The following ARHGEF7 variants were observed in gnomAD, a reference collection of about 807,000 sequenced individuals.
ARHGEF7 encodes the protein Rho guanine nucleotide exchange factor 7.
ARHGEF7 carries 33 observed loss-of-function variants against 109.8 expected under a neutral mutation model. The ratio of observed to expected loss-of-function variants is 0.30; its 90% confidence interval spans 0.23 to 0.40. ARHGEF7 has a LOEUF of 0.40. Among genes scored for constraint, ARHGEF7 ranks in the 10% least tolerant of loss-of-function variants. The pLI, the probability that ARHGEF7 is intolerant of heterozygous loss-of-function variation, is 1.00. For synonymous variants in ARHGEF7, 458 were observed against 424.6 expected (o/e 1.08, Z -0.97); for missense variants, 938 against 1,098.5 (o/e 0.85, Z 2.07).
chr13:111,115,414 C>T lies in ARHGEF7; in HGVS notation c.-113C>T. 1 of 809,674 alleles carries T rather than the reference C, an allele frequency of 1.2e-6. No individual in the cohort carries two copies. The highest frequency in any genetic ancestry group is 1.5e-6 in the Non-Finnish European group (1 of 672,488). 50.2% of individuals were successfully genotyped at this position (809,674 alleles called of 1,614,324 possible). A position where few individuals can be genotyped will look rare whatever the true frequency, so the allele number is the denominator to read the frequency against. On this transcript the variant is annotated 5_prime_UTR_variant, in exon 1 of 22. Coordinates refer to ENST00000646102, the MANE Select transcript of ARHGEF7 (RefSeq NM_001354046.2). ...TGGGCCGCGCCGAGCCAATCGCCGG[C>T]GCCGGCCGCTCGATGGGCGAGGCGG...
rs990736035 is a variant in ARHGEF7, at chr13:111,203,013, G to A, written c.253-2276G>A. On this transcript the variant is annotated intron_variant, in intron 2 of 21. Coordinates refer to ENST00000646102, the MANE Select transcript of ARHGEF7 (RefSeq NM_001354046.2). ...TTTCAGCCAATCAGATGCTTCCTGG[G>A]TATCCAAGTAAGAAAGATATATAGT... 5.8e-6 allele frequency: 7 copies of A among 1,201,852 alleles called. No individual in the cohort carries two copies. The African/African-American group carries it at 1.1e-4, about 19-fold the overall frequency. The allele number at this position is 1,201,852 out of a possible 1,614,324, so 74.4% of individuals were successfully genotyped here.
intron 19 of ARHGEF7, chr13:111,292,864 A>G (rs1229492633): frequency 1.0e-6 from 1 of 990,544 alleles, no homozygotes; most frequent in African/African-American, 1.7e-5. Context: ...GTAATCGTGC[A>G]GAACAGCATG....
intron 2 of ARHGEF7, among the ~76,000 whole-genome samples, chr13:111,166,403 G>A (rs1051039973): frequency 2.0e-5 from 3 of 152,168 alleles, no homozygotes; most frequent in Admixed American, 1.3e-4. Context: ...GGGATGTGAT[G>A]TAAGTTTTAA....
At position 111,215,371 on chromosome 13, in the gene ARHGEF7, C is replaced by CT. The variant is rs5806891; in HGVS notation, c.469-2299dup. 2.3e-3 allele frequency among the ~76,000 whole-genome samples: 351 copies of CT among 151,038 alleles called. 1 individual carries two copies. Among genetic ancestry groups the CT allele is most frequent in the Middle Eastern group, 6.8e-3 (2 of 294 alleles). ...CCTGTGTGTCTCTAAATAAAGTGCC[C>CT]TTTTTTTTTGTTTTTCCTTAATTTG... On this transcript the variant is annotated intron_variant, in intron 4 of 21. Coordinates refer to ENST00000646102, the MANE Select transcript of ARHGEF7 (RefSeq NM_001354046.2).
At chr13:111,293,871 G>A (rs1420203449) in intron 19 of ARHGEF7, 67 of 985,218 alleles carry the variant, frequency 6.8e-5, no homozygotes, top group Non-Finnish European at 7.6e-5. Context: ...CTGGGAGCCG[G>A]GTCCTGCTGC....
intron 2 of ARHGEF7, among the ~76,000 whole-genome samples, chr13:111,170,594 A>T (rs2153413026): frequency 6.6e-6 from 1 of 152,202 alleles, no homozygotes; most frequent in East Asian, 1.9e-4. Context: ...GCCTTTACTG[A>T]ATGCAGTGCT....
At chr13:111,248,761 T>A (rs905445800) in intron 8 of ARHGEF7, among the ~76,000 whole-genome samples, 1 of 152,266 alleles carries the variant, frequency 6.6e-6, no homozygotes, top group Non-Finnish European at 1.5e-5. Flanking sequence ...AATATTTTTC[T>A]TTATATCCTT....
chr13:111,203,070 C>T (rs1474790814), intron 2 of ARHGEF7: 4 of 1,276,912 alleles, frequency 3.1e-6, no homozygotes, highest in African/African-American at 1.5e-5. Context: ...ACATTTTTCA[C>T]ATCCTGTTAT....
intron 13 of ARHGEF7, among the ~76,000 whole-genome samples, chr13:111,278,086 A>T (rs1172358225): frequency 2.0e-5 from 3 of 152,228 alleles, no homozygotes; most frequent in Non-Finnish European, 4.4e-5. Flanking sequence ...GCCCAAATGC[A>T]TCAGCAAACA....
At chr13:111,118,592 G>C (rs576029055) in intron 1 of ARHGEF7, among the ~76,000 whole-genome samples, 1 of 152,270 alleles carries the variant, frequency 6.6e-6, no homozygotes, top group African/African-American at 2.4e-5. Flanking sequence ...CTCCTCCCGT[G>C]AGCAGAGGTC....
At chr13:111,190,217 G>T (rs1293821364) in intron 2 of ARHGEF7, among the ~76,000 whole-genome samples, 1 of 152,190 alleles carries the variant, frequency 6.6e-6, no homozygotes, top group African/African-American at 2.4e-5. Context: ...TAAAAATACA[G>T]GGCCCGAAGG....
chr13:111,181,497 C>T (rs2078726855), intron 2 of ARHGEF7, among the ~76,000 whole-genome samples: 1 of 152,008 alleles, frequency 6.6e-6, no homozygotes, highest in Non-Finnish European at 1.5e-5. Flanking sequence ...TTGGATAGAT[C>T]ATGTTTTTTT....
At chr13:111,290,588 T>C (rs1375267225) in intron 18 of ARHGEF7, among the ~76,000 whole-genome samples, 2 of 152,252 alleles carry the variant, frequency 1.3e-5, no homozygotes, top group Non-Finnish European at 1.5e-5. Context: ...CATTTCTTCA[T>C]GACCAGGGTC....
chr13:111,257,733 G>A (rs1555389272), intron 8 of ARHGEF7, among the ~76,000 whole-genome samples: 1 of 152,228 alleles, frequency 6.6e-6, no homozygotes, highest in Non-Finnish European at 1.5e-5. Context: ...CTCAACTTCG[G>A]CAGCAGCCAC....
At chr13:111,187,625 C>T (rs1030764998) in intron 2 of ARHGEF7, among the ~76,000 whole-genome samples, 1 of 152,166 alleles carries the variant, frequency 6.6e-6, no homozygotes, top group Non-Finnish European at 1.5e-5. Context: ...ACATATCACA[C>T]GATCTATTTT....
At chr13:111,157,374 A>G (rs2076418825) in intron 2 of ARHGEF7, among the ~76,000 whole-genome samples, 1 of 151,762 alleles carries the variant, frequency 6.6e-6, no homozygotes, top group African/African-American at 2.4e-5. Flanking sequence ...AATAATAATT[A>G]TTAATAAGAA....
At chr13:111,278,399 C>T (rs2092607740) in intron 13 of ARHGEF7, among the ~76,000 whole-genome samples, 2 of 152,170 alleles carry the variant, frequency 1.3e-5, no homozygotes, top group South Asian at 4.1e-4. Context: ...ACCACTGCAG[C>T]AGAAGCCGCC....
Position 111,125,199 on chromosome 13 carries a change from A to C in ARHGEF7, c.165+9508A>C, listed in dbSNP as rs554797089. 6.6e-5 allele frequency among the ~76,000 whole-genome samples: 10 copies of C among 152,282 alleles called. No homozygotes were observed. In the East Asian group the frequency reaches 1.5e-3, roughly 24 times the overall value. The stretch of plus-strand genomic sequence containing the variant: ...GGACCTGGAATCTTTCCATGATGAG[A>C]AAAAGAGAGAGAGTGAGAATATATG... On this transcript the variant is annotated intron_variant, in intron 1 of 21. Coordinates refer to ENST00000646102, the MANE Select transcript of ARHGEF7 (RefSeq NM_001354046.2).
chr13:111,114,891 C>G (rs938674818), upstream of ARHGEF7: 1 of 152,258 alleles, frequency 6.6e-6, no homozygotes, highest in Non-Finnish European at 1.5e-5. Context: ...GCGAAACAAA[C>G]GTCTCGTTTT....
Sources: allele counts gnomAD v4.1 joint callset (sites outside exome capture counted in the v4.1 genomes callset), GRCh38; gene constraint gnomAD v4.1.1; transcripts MANE v1.5; gene names NCBI Gene and HGNC (gene_info 2026-07-23, HGNC 2026-07-21).